Variants in SLC24A3 observed in about 807,000 individuals in gnomAD.
The protein encoded by SLC24A3 is solute carrier family 24 member 3, also known as sodium/potassium/calcium exchanger 3.
In SLC24A3, 28 loss-of-function variants were observed where a neutral mutation model predicts 75.8. That is an observed-to-expected ratio of 0.37 (90% confidence interval 0.27 to 0.51). The LOEUF (loss-of-function observed/expected upper bound fraction) is 0.51, where lower values mean the gene tolerates loss of function less well. SLC24A3 is among the 20% of genes least tolerant of loss of function. SLC24A3 has a pLI of 0.94. For missense variants in SLC24A3, 663 were observed against 847.8 expected (o/e 0.78, Z 2.71); for synonymous variants, 372 against 334.1 (o/e 1.11, Z -1.24).
At chr20:19,691,544 T>A (rs1043703003) in intron 12 of SLC24A3, among the ~76,000 whole-genome samples, 4 of 152,192 alleles carry the variant, frequency 2.6e-5, no homozygotes, top group African/African-American at 9.7e-5. Flanking sequence ...TTCCTCTGGC[T>A]ACTGGTAGCA....
At chr20:19,441,558 T>C (rs1024626005) in intron 2 of SLC24A3, among the ~76,000 whole-genome samples, 1 of 152,124 alleles carries the variant, frequency 6.6e-6, no homozygotes, top group Non-Finnish European at 1.5e-5. Context: ...GAAAAGTGAG[T>C]GGAAAGTATG....
intron 6 of SLC24A3, among the ~76,000 whole-genome samples, chr20:19,596,829 G>C (rs887888769): frequency 6.6e-6 from 1 of 152,196 alleles, no homozygotes; most frequent in Non-Finnish European, 1.5e-5. Context: ...GGAGCAGGAC[G>C]TGAACAGGTG....
chr20:19,667,409 C>G (rs966821567), intron 8 of SLC24A3, among the ~76,000 whole-genome samples: 5 of 152,190 alleles, frequency 3.3e-5, no homozygotes, highest in African/African-American at 1.2e-4. Flanking sequence ...TTTTTCCCCC[C>G]TGTCCTTGGG....
intron 3 of SLC24A3, among the ~76,000 whole-genome samples, chr20:19,528,514 A>C (rs1194281329): frequency 6.6e-6 from 1 of 152,172 alleles, no homozygotes; most frequent in Non-Finnish European, 1.5e-5. Context: ...GCACATAGGA[A>C]AATCAGGTCT....
intron 2 of SLC24A3, among the ~76,000 whole-genome samples, chr20:19,337,176 GGCTCAC>G (rs1985154594): frequency 6.6e-6 from 1 of 152,210 alleles, no homozygotes; most frequent in Admixed American, 6.5e-5. Flanking sequence ...CGAGCGCAGT[GGCTCAC>G]GCCTGTAATC....
intron 2 of SLC24A3, among the ~76,000 whole-genome samples, chr20:19,447,698 G>A (rs1987410903): frequency 6.6e-6 from 1 of 152,148 alleles, no homozygotes; most frequent in Admixed American, 6.5e-5. Flanking sequence ...ATCTTGATGG[G>A]GTGCGATGAT....
intron 2 of SLC24A3, among the ~76,000 whole-genome samples, chr20:19,332,636 C>T (rs1985026842): frequency 6.6e-6 from 1 of 152,128 alleles, no homozygotes; most frequent in African/African-American, 2.4e-5. Flanking sequence ...TAAATAGAAA[C>T]CCAGAATGGG....
At chr20:19,274,800 C>T (rs148470311) in intron 1 of SLC24A3, among the ~76,000 whole-genome samples, 6 of 152,274 alleles carry the variant, frequency 3.9e-5, no homozygotes, top group South Asian at 4.1e-4. Context: ...CCGCTGGCTG[C>T]GGGCTTATGC....
intron 7 of SLC24A3, among the ~76,000 whole-genome samples, chr20:19,662,456 C>T (rs1280027488): frequency 6.6e-6 from 1 of 152,254 alleles, no homozygotes; most frequent in Non-Finnish European, 1.5e-5. Context: ...GGCTGCCTGC[C>T]TTGAGGTGAT....
chr20:19,273,121 G>T (rs560065095), intron 1 of SLC24A3, among the ~76,000 whole-genome samples: 4 of 152,314 alleles, frequency 2.6e-5, no homozygotes, highest in Admixed American at 6.5e-5. Context: ...TTTGGTCCAG[G>T]TGCTTTGGGC....
intron 6 of SLC24A3, among the ~76,000 whole-genome samples, chr20:19,623,701 A>G (rs539228524): frequency 4.6e-5 from 7 of 152,210 alleles, no homozygotes; most frequent in Non-Finnish European, 7.3e-5. Context: ...TTTTCACATC[A>G]CAGAAAGTTC....
intron 3 of SLC24A3, among the ~76,000 whole-genome samples, chr20:19,529,626 C>T (rs112413791): frequency 4.9e-4 from 74 of 152,238 alleles, no homozygotes; most frequent in African/African-American, 1.7e-3. Context: ...ACGATCTGGC[C>T]CTGACTACCT....
At position 19,684,195 on chromosome 20, in the gene SLC24A3, A is replaced by C. The variant is rs373421591; in HGVS notation, c.921A>C (p.Ala307=). The C allele has an allele frequency of 6.5e-5, 105 of 1,613,854 alleles. 1 individual carries two copies. Among genetic ancestry groups the C allele is most frequent in the Non-Finnish European group, 8.6e-5 (101 of 1,179,864 alleles). ...CCCTAGCAAATTTCCACCGCAAAGC[A>C]TCAGTGATCATGGTAGACGAGCTGC... ...LLKKANFHRK[A]SVIMVDELLS... The change falls in exon 11 of 17, where the codon GCA becomes GCC. Residue 307 remains alanine (A), a synonymous_variant. Transcript: ENST00000328041.
At chr20:19,708,509 C>T (rs2032953235) in intron 15 of SLC24A3, among the ~76,000 whole-genome samples, 1 of 152,188 alleles carries the variant, frequency 6.6e-6, no homozygotes, top group South Asian at 2.1e-4. Context: ...CCTTCCCACG[C>T]CCCCAGGGAC....
chr20:19,290,482 G>T (rs954262401), intron 2 of SLC24A3, among the ~76,000 whole-genome samples: 3 of 152,188 alleles, frequency 2.0e-5, no homozygotes, highest in Non-Finnish European at 2.9e-5. Flanking sequence ...AAAGAGGCCT[G>T]AGAGAAAGCC....
intron 6 of SLC24A3, among the ~76,000 whole-genome samples, chr20:19,594,093 C>T (rs1173005720): frequency 6.6e-6 from 1 of 152,180 alleles, no homozygotes; most frequent in Non-Finnish European, 1.5e-5. Context: ...CTTCGAACTC[C>T]ACCCTTGGGC....
At chr20:19,233,880 T>C (rs925710990) in intron 1 of SLC24A3, among the ~76,000 whole-genome samples, 2 of 152,208 alleles carry the variant, frequency 1.3e-5, no homozygotes, top group African/African-American at 4.8e-5. Context: ...TCTTTATCTA[T>C]AGAATGGGAG....
At chr20:19,560,293 G>A (rs191915522) in intron 3 of SLC24A3, among the ~76,000 whole-genome samples, 48 of 152,340 alleles carry the variant, frequency 3.2e-4, no homozygotes, top group African/African-American at 1.1e-3. Flanking sequence ...GTCCCAAGGA[G>A]GGTGGAGAAG....
chr20:19,447,403 G>C (rs912820836), intron 2 of SLC24A3, among the ~76,000 whole-genome samples: 1 of 152,214 alleles, frequency 6.6e-6, no homozygotes. Context: ...TAGGTGGCTA[G>C]TCCGTCTACT....
Sources: gnomAD v4.1 joint callset for allele counts (sites outside exome capture counted in the v4.1 genomes callset) on GRCh38, gnomAD v4.1.1 for gene constraint, MANE v1.5 for transcripts, NCBI Gene and HGNC (gene_info 2026-07-23, HGNC 2026-07-21) for gene names.